GALNT17: variants seen among roughly 807,000 people sequenced by gnomAD.
GALNT17 encodes polypeptide N-acetylgalactosaminyltransferase 17.
Under a neutral mutation model 63.7 loss-of-function variants are expected in GALNT17, and 29 were observed. The ratio of observed to expected loss-of-function variants is 0.46; its 90% CI spans 0.34 to 0.62. The LOEUF is 0.62. Among genes scored for constraint, GALNT17 ranks in the 20% least tolerant of loss-of-function variants. GALNT17 has a pLI of 0.01. For missense variants in GALNT17, 603 were observed against 799.6 expected, an observed-to-expected ratio of 0.75 and a Z score of 2.97; for synonymous variants, 305 against 318.3, an observed-to-expected ratio of 0.96 and a Z score of 0.45.
At chr7:71,544,980 A>G (rs957165476) in intron 5 of GALNT17, among the ~76,000 whole-genome samples, 14 of 152,096 alleles carry the variant, frequency 9.2e-5, no homozygotes, top group African/African-American at 3.4e-4. Flanking sequence ...ATTTGAATGT[A>G]GGGCATTTAG....
chr7:71,597,101 G>A (rs1031624982), intron 6 of GALNT17, among the ~76,000 whole-genome samples: 56 of 151,978 alleles, frequency 3.7e-4, no homozygotes, highest in Non-Finnish European at 2.8e-4. Context: ...GCAGTGGTGC[G>A]ATCTCAGCTC....
intron 5 of GALNT17, among the ~76,000 whole-genome samples, chr7:71,510,234 A>G (rs977957968): frequency 6.6e-6 from 1 of 152,218 alleles, no homozygotes; most frequent in East Asian, 1.9e-4. Context: ...GGCATGAGCC[A>G]CTGCACCTGG....
At chr7:71,260,912 A>G (rs1388063082) in intron 1 of GALNT17, among the ~76,000 whole-genome samples, 2 of 152,024 alleles carry the variant, frequency 1.3e-5, no homozygotes, top group Non-Finnish European at 2.9e-5. Flanking sequence ...CCTCTTTTTC[A>G]TCCTTAAACT....
At chr7:71,249,904 C>T (rs1230742408) in intron 1 of GALNT17, among the ~76,000 whole-genome samples, 5 of 152,224 alleles carry the variant, frequency 3.3e-5, no homozygotes, top group African/African-American at 9.6e-5. Context: ...CTCTTGCAAA[C>T]TAACTGAAAG....
rs566945728 is a variant in GALNT17, at chr7:71,550,833, T to G, written c.963-20452T>G. On this transcript the variant is annotated intron_variant, in intron 5 of 10. Coordinates refer to ENST00000333538, the MANE Select transcript of GALNT17 (RefSeq NM_022479.3). ...ATCGATAATATTTTGATTTAAAGTT[T>G]TGTACAAAAACTTTTTTTAAATCTC... 2.6e-5 allele frequency among the ~76,000 whole-genome samples: 4 copies of G among 152,340 alleles called. No homozygotes were observed. In the East Asian group the frequency reaches 7.7e-4, roughly 29 times the overall value.
rs568370308 is a variant in GALNT17, at chr7:71,146,603, C to T, written c.238+13563C>T. Among the ~76,000 whole-genome samples, 17 of 152,198 alleles carry T rather than the reference C, an allele frequency of 1.1e-4. No individual in the cohort carries two copies. In the South Asian group the frequency reaches 3.5e-3, roughly 32 times the overall value. On this transcript the variant is annotated intron_variant, in intron 1 of 10. Transcript: ENST00000333538. Reference sequence around the variant, plus strand: ...TCACTGCCTTCCCTCCCTTCTCCCTCCCTCCCTCGCCGCCATCCTCCCTTC... The same window carrying T: ...TCACTGCCTTCCCTCCCTTCTCCCTTCCTCCCTCGCCGCCATCCTCCCTTC...
chr7:71,370,845 A>G (rs1002101121), intron 2 of GALNT17, among the ~76,000 whole-genome samples: 3 of 151,960 alleles, frequency 2.0e-5, no homozygotes, highest in Non-Finnish European at 4.4e-5. Context: ...GCCTCAAGTG[A>G]TCCTCCTGCC....
chr7:71,532,810 G>A (rs1412694651), intron 5 of GALNT17, among the ~76,000 whole-genome samples: 2 of 152,162 alleles, frequency 1.3e-5, no homozygotes, highest in Non-Finnish European at 2.9e-5. Context: ...AGATGCTAGA[G>A]GAGTTATCTC....
intron 1 of GALNT17, among the ~76,000 whole-genome samples, chr7:71,136,842 A>T (rs1270416368): frequency 1.3e-5 from 2 of 151,434 alleles, no homozygotes; most frequent in Non-Finnish European, 2.9e-5. Flanking sequence ...GCTGGAGTGC[A>T]GTGATGCAAT....
intron 2 of GALNT17, among the ~76,000 whole-genome samples, chr7:71,342,308 T>G (rs1298224457): frequency 1.3e-5 from 2 of 151,978 alleles, no homozygotes; most frequent in Non-Finnish European, 2.9e-5. Flanking sequence ...GAGTGGGAGA[T>G]GCCACACACT....
chr7:71,246,439 A>G (rs1418966682), intron 1 of GALNT17, among the ~76,000 whole-genome samples: 2 of 151,606 alleles, frequency 1.3e-5, no homozygotes, highest in African/African-American at 4.8e-5. Flanking sequence ...TGCTTTTAAT[A>G]TTAAGAATTT....
chr7:71,200,626 C>T (rs995926390), intron 1 of GALNT17, among the ~76,000 whole-genome samples: 1 of 152,174 alleles, frequency 6.6e-6, no homozygotes, highest in Non-Finnish European at 1.5e-5. Flanking sequence ...TATTTAAACA[C>T]ATGGAGCTTT....
intron 1 of GALNT17, among the ~76,000 whole-genome samples, chr7:71,252,343 G>C (rs1187441923): frequency 6.6e-6 from 1 of 151,838 alleles, no homozygotes; most frequent in Non-Finnish European, 1.5e-5. Context: ...TGGCCAACAT[G>C]ATGAAACCCT....
rs548779677 is a variant in GALNT17 at position 71,179,795 on chromosome 7, C to G, written c.238+46755C>G. On this transcript the variant is annotated intron_variant, in intron 1 of 10. Transcript: ENST00000333538. ...CTCAGGCAAAAGACTGCTACACACT[C>G]AGAAATCTTAACTTCCTCAGTTGTC... 3.9e-5 allele frequency among the ~76,000 whole-genome samples: 6 copies of G among 152,320 alleles called. No homozygotes were observed. In the East Asian group the frequency reaches 1.2e-3, roughly 29 times the overall value.
At chr7:71,151,893 A>T (rs1413347289) in intron 1 of GALNT17, among the ~76,000 whole-genome samples, 2 of 151,998 alleles carry the variant, frequency 1.3e-5, no homozygotes, top group African/African-American at 4.8e-5. Flanking sequence ...ATTAGCAATT[A>T]AAAAAATCAT....
At chr7:71,274,540 A>G (rs187095124) in intron 1 of GALNT17, among the ~76,000 whole-genome samples, 38 of 152,296 alleles carry the variant, frequency 2.5e-4, no homozygotes, top group Middle Eastern at 3.4e-3. Context: ...ACGGCCTCCA[A>G]AAGCGCTGGG....
At chr7:71,460,438 C>T (rs1253812600) in intron 5 of GALNT17, among the ~76,000 whole-genome samples, 1 of 152,128 alleles carries the variant, frequency 6.6e-6, no homozygotes, top group Non-Finnish European at 1.5e-5. Context: ...GGTCACTGCC[C>T]ACCTGCAATT....
intron 5 of GALNT17, among the ~76,000 whole-genome samples, chr7:71,445,989 G>T: frequency 6.6e-6 from 1 of 152,202 alleles, no homozygotes; most frequent in East Asian, 1.9e-4. Context: ...TCTTGTAGTC[G>T]TTTCTGAGAA....
intron 1 of GALNT17, among the ~76,000 whole-genome samples, chr7:71,265,610 A>G (rs1335585200): frequency 2.6e-5 from 4 of 152,206 alleles, no homozygotes; most frequent in Admixed American, 6.5e-5. Context: ...TTTTCTTGGC[A>G]GAGAGGGGAG....
Sources: allele counts gnomAD v4.1 joint callset (sites outside exome capture counted in the v4.1 genomes callset), GRCh38; gene constraint gnomAD v4.1.1; transcripts MANE v1.5; gene names NCBI Gene and HGNC (gene_info 2026-07-23, HGNC 2026-07-21).